Variants in CLEC2A observed in about 807,000 individuals in gnomAD.
CLEC2A encodes the protein C-type lectin domain family 2 member A, also known as keratinocyte-associated C-type lectin.
A neutral mutation model predicts 18.6 loss-of-function variants in CLEC2A; 19 were observed. The observed-to-expected ratio is 1.02, with a 90% CI of 0.71 to 1.50. The LOEUF is 1.50. Ranked by LOEUF, CLEC2A falls within the 40% of genes most tolerant of loss-of-function variation. CLEC2A has a pLI of 0.00. For missense variants in CLEC2A, 190 were observed against 207.9 expected (o/e 0.91, Z 0.53); for synonymous variants, 74 against 64.0 (o/e 1.16, Z -0.75).
intron 4 of CLEC2A, among the ~76,000 whole-genome samples, chr12:9,904,513 C>T (rs1209015130): frequency 6.6e-6 from 1 of 152,096 alleles, no homozygotes; most frequent in Non-Finnish European, 1.5e-5. Context: ...CAACCATTAC[C>T]TTAGTTGGGT....
intron 3 of CLEC2A, among the ~76,000 whole-genome samples, chr12:9,920,313 C>T (rs982941073): frequency 3.9e-5 from 6 of 152,172 alleles, no homozygotes; most frequent in African/African-American, 1.4e-4. Context: ...ATCTGAGGCT[C>T]CCGGGTCACT....
At chr12:9,921,011 C>A (rs1192541416) in intron 3 of CLEC2A, among the ~76,000 whole-genome samples, 1 of 152,208 alleles carries the variant, frequency 6.6e-6, no homozygotes, top group Non-Finnish European at 1.5e-5. Context: ...GACATGGCAT[C>A]ACTAGTCATC....
the CLEC2A span, among the ~76,000 whole-genome samples, chr12:9,889,567 A>G: frequency 2.0e-5 from 3 of 152,004 alleles, no homozygotes; most frequent in Admixed American, 1.3e-4. Context: ...CTGTTGGCCT[A>G]TTCTGTGCGT....
At chr12:9,918,945 G>T (rs1438091344) in intron 3 of CLEC2A, among the ~76,000 whole-genome samples, 1 of 152,162 alleles carries the variant, frequency 6.6e-6, no homozygotes, top group Non-Finnish European at 1.5e-5. Flanking sequence ...ATTTTAGAGG[G>T]GGTTATGTTA....
the CLEC2A span, among the ~76,000 whole-genome samples, chr12:9,885,814 A>C: frequency 6.6e-6 from 1 of 152,066 alleles, no homozygotes; most frequent in East Asian, 1.9e-4. Flanking sequence ...ATTACCTGAA[A>C]ATGTCCACTT....
chr12:9,920,558 A>T (rs915088130), intron 3 of CLEC2A, among the ~76,000 whole-genome samples: 2 of 151,722 alleles, frequency 1.3e-5, no homozygotes, highest in Non-Finnish European at 2.9e-5. Context: ...GCTTTTCTTC[A>T]TTGTCTATGG....
downstream of CLEC2A, among the ~76,000 whole-genome samples, chr12:9,909,959 G>C (rs1565529207): frequency 6.6e-6 from 1 of 152,122 alleles, no homozygotes; most frequent in Non-Finnish European, 1.5e-5. Context: ...TTCTCTTTCA[G>C]AGCAGTAAGA....
At chr12:9,917,489 C>A (rs1387743022) in intron 3 of CLEC2A, among the ~76,000 whole-genome samples, 2 of 152,160 alleles carry the variant, frequency 1.3e-5, no homozygotes, top group African/African-American at 4.8e-5. Context: ...GAACAATTAA[C>A]TAATTAAAAG....
intron 4 of CLEC2A, among the ~76,000 whole-genome samples, chr12:9,902,648 A>G (rs986049010): frequency 6.6e-6 from 1 of 151,870 alleles, no homozygotes; most frequent in African/African-American, 2.4e-5. Flanking sequence ...TTGAAAGAAA[A>G]AAAAAAAAAG....
intron 4 of CLEC2A, among the ~76,000 whole-genome samples, chr12:9,899,503 G>A (rs1862796515): frequency 6.6e-6 from 1 of 152,188 alleles, no homozygotes; most frequent in Admixed American, 6.5e-5. Context: ...GGGAGCAGGT[G>A]TCCCTGACTC....
the CLEC2A span, among the ~76,000 whole-genome samples, chr12:9,888,991 A>G: frequency 6.6e-6 from 1 of 152,172 alleles, no homozygotes; most frequent in African/African-American, 2.4e-5. Context: ...TAGGAGGAAA[A>G]AAAATAGGGT....
chr12:9,878,752 G>C, the CLEC2A span, among the ~76,000 whole-genome samples: 2 of 152,102 alleles, frequency 1.3e-5, no homozygotes, highest in Non-Finnish European at 2.9e-5. Context: ...GATGGAGGGT[G>C]GGGGAACAGT....
At chr12:9,895,799 C>A (rs187726382), downstream of CLEC2A, 27 of 1,534,688 alleles carry the variant, frequency 1.8e-5, no homozygotes, top group African/African-American at 8.2e-5. Context: ...CAGAGAGATG[C>A]GATCTTGACG....
intron 4 of CLEC2A, among the ~76,000 whole-genome samples, chr12:9,901,586 A>T (rs1478387128): frequency 1.3e-5 from 2 of 152,174 alleles, no homozygotes; most frequent in Non-Finnish European, 2.9e-5. Flanking sequence ...AAACATGTCA[A>T]ATAATCCTGT....
chr12:9,879,152 A>G, the CLEC2A span, among the ~76,000 whole-genome samples: 1 of 152,174 alleles, frequency 6.6e-6, no homozygotes, highest in South Asian at 2.1e-4. Context: ...GGGAAATGAA[A>G]AAAAAAGAAA....
chr12:9,891,253 CA>C, the CLEC2A span, among the ~76,000 whole-genome samples: 18,987 of 152,154 alleles, frequency 0.12, 1,486 homozygotes, highest in South Asian at 0.38. Context: ...TTATCTAAAG[CA>C]TCTAATAGAG....
the CLEC2A span, chr12:9,893,319 T>C: frequency 8.3e-6 from 7 of 842,616 alleles, no homozygotes; most frequent in Non-Finnish European, 1.1e-5. Context: ...AAAATGCTAA[T>C]GTATATGAAA....
the CLEC2A span, among the ~76,000 whole-genome samples, chr12:9,889,080 T>C: frequency 6.6e-6 from 1 of 152,220 alleles, no homozygotes; most frequent in Non-Finnish European, 1.5e-5. Flanking sequence ...CATCCACTGA[T>C]AGGTGTGACA....
intron 4 of CLEC2A, among the ~76,000 whole-genome samples, chr12:9,900,324 G>A (rs986733636): frequency 3.3e-5 from 5 of 152,142 alleles, no homozygotes; most frequent in Admixed American, 2.0e-4. Flanking sequence ...AGTCTAAGAT[G>A]TAAGCAAAAA....
Sources: gnomAD v4.1 joint callset for allele counts (sites outside exome capture counted in the v4.1 genomes callset) on GRCh38, gnomAD v4.1.1 for gene constraint, MANE v1.5 for transcripts, NCBI Gene and HGNC (gene_info 2026-07-23, HGNC 2026-07-21) for gene names.